Variants in ATP8A1 observed in about 807,000 individuals in gnomAD.
The protein encoded by ATP8A1 is phospholipid-transporting ATPase IA.
ATP8A1 carries 90 observed loss-of-function variants against 177.7 expected under a neutral mutation model. That is an observed-to-expected ratio of 0.51 (90% confidence interval 0.43 to 0.60). The LOEUF (loss-of-function observed/expected upper bound fraction) is 0.60. Among genes scored for constraint, ATP8A1 ranks in the 20% least tolerant of loss-of-function variants. ATP8A1 has a pLI of 0.00. For missense variants in ATP8A1, 1,072 were observed against 1,392.8 expected, an observed-to-expected ratio of 0.77 and a Z score of 3.67; for synonymous variants, 493 against 485.9, an observed-to-expected ratio of 1.01 and a Z score of -0.19.
At position 42,443,579 on chromosome 4, in the gene ATP8A1, C is replaced by T. The variant is rs199599944; in HGVS notation, c.3109G>A (p.Asp1037Asn). ...SLWPAIPMAP[D>N]MSGEAAMLFS... The stretch of plus-strand genomic sequence containing the variant: ...GCGCACATTACCTCTCCTGACATAT[C>T]AGGGGCCATCGGAATGGCAGGCCAC... Residue 1037 changes from aspartate (D) to asparagine (N), a missense_variant, in exon 33 of 37, where the codon GAT becomes AAT. Around this residue, in one of 5 missense-constraint regions of ATP8A1, gnomAD observed 316 missense variants for 459.1 expected, o/e 0.69. Coordinates refer to ENST00000381668, the MANE Select transcript of ATP8A1 (RefSeq NM_006095.2). The T allele has an allele frequency of 1.5e-6, 2 of 1,369,600 alleles. No homozygotes were observed. The highest frequency in any genetic ancestry group is 1.4e-5 in the African/African-American group (1 of 70,354). 84.8% of individuals were successfully genotyped at this position (1,369,600 alleles called of 1,614,324 possible). A position where few individuals can be genotyped will look rare whatever the true frequency, so the allele number is the denominator to read the frequency against.
At chr4:42,574,034 C>G (rs1387048347) in intron 14 of ATP8A1, among the ~76,000 whole-genome samples, 1 of 152,020 alleles carries the variant, frequency 6.6e-6, no homozygotes, top group Admixed American at 6.6e-5. Context: ...TGTAAGCATA[C>G]CTGGAAGTAA....
chr4:42,600,006 T>C (rs1268277609), intron 6 of ATP8A1, among the ~76,000 whole-genome samples: 6 of 152,234 alleles, frequency 3.9e-5, no homozygotes, highest in Admixed American at 3.9e-4. Context: ...TAATCTTTGA[T>C]GTTAAAGAAC....
intron 5 of ATP8A1, among the ~76,000 whole-genome samples, chr4:42,614,018 G>C (rs1736653024): frequency 1.3e-5 from 2 of 151,922 alleles, no homozygotes; most frequent in Admixed American, 6.6e-5. Context: ...TTTTTGAATT[G>C]AGTTTTATAT....
At chr4:42,492,023 A>G (rs564254022) in intron 24 of ATP8A1, among the ~76,000 whole-genome samples, 3 of 152,178 alleles carry the variant, frequency 2.0e-5, no homozygotes, top group Non-Finnish European at 4.4e-5. Context: ...TGGCTTCCAG[A>G]TCTTGCTCTG....
At chr4:42,446,539 G>C in intron 31 of ATP8A1, 44 bp downstream of exon 31, 1 of 1,567,458 alleles carries the variant, frequency 6.4e-7, no homozygotes, top group Non-Finnish European at 8.8e-7. Flanking sequence ...ACAGATGAAA[G>C]GTTTTGATTT....
intron 16 of ATP8A1, among the ~76,000 whole-genome samples, chr4:42,555,595 G>T (rs558612958): frequency 6.6e-6 from 1 of 152,160 alleles, no homozygotes; most frequent in Admixed American, 6.5e-5. Flanking sequence ...GAGGCTGAGG[G>T]GGTGGATCAC....
At chr4:42,573,327 G>A (rs962787729) in intron 14 of ATP8A1, among the ~76,000 whole-genome samples, 3 of 152,150 alleles carry the variant, frequency 2.0e-5, no homozygotes, top group African/African-American at 7.2e-5. Flanking sequence ...AATTGCAATA[G>A]GCTTTACTTT....
At chr4:42,647,516 G>A (rs1740657462) in intron 1 of ATP8A1, among the ~76,000 whole-genome samples, 1 of 151,014 alleles carries the variant, frequency 6.6e-6, no homozygotes, top group South Asian at 2.1e-4. Flanking sequence ...GATATATTGG[G>A]CCAAAGACAA....
intron 16 of ATP8A1, among the ~76,000 whole-genome samples, chr4:42,553,473 A>C (rs1439218688): frequency 6.6e-6 from 1 of 152,196 alleles, no homozygotes; most frequent in Admixed American, 6.5e-5. Flanking sequence ...GCCTGAGAAG[A>C]CAGAAGGGTG....
chr4:42,516,646 A>G (rs527804560), intron 22 of ATP8A1, among the ~76,000 whole-genome samples: 1 of 152,242 alleles, frequency 6.6e-6, no homozygotes, highest in Admixed American at 6.5e-5. Flanking sequence ...TTTTCAAAAA[A>G]TTATGTATTC....
intron 1 of ATP8A1, among the ~76,000 whole-genome samples, chr4:42,635,501 C>T (rs750247330): frequency 6.6e-6 from 1 of 151,644 alleles, no homozygotes; most frequent in Non-Finnish European, 1.5e-5. Context: ...GTCATGCTTG[C>T]AACAGTCAAA....
At chr4:42,649,481 T>A (rs1002320195) in intron 1 of ATP8A1, among the ~76,000 whole-genome samples, 22 of 152,250 alleles carry the variant, frequency 1.4e-4, no homozygotes, top group Non-Finnish European at 8.8e-5. Flanking sequence ...AAGTTTATAA[T>A]CACAATGTGA....
At chr4:42,556,789 A>G (rs1730284806) in intron 15 of ATP8A1, among the ~76,000 whole-genome samples, 1 of 152,158 alleles carries the variant, frequency 6.6e-6, no homozygotes, top group South Asian at 2.1e-4. Context: ...TGTCAAAAGA[A>G]AAGGGTATAG....
chr4:42,471,138 C>T (rs1489319125), intron 25 of ATP8A1, among the ~76,000 whole-genome samples: 1 of 152,128 alleles, frequency 6.6e-6, no homozygotes, highest in African/African-American at 2.4e-5. Context: ...CAACTTGTTA[C>T]TTGGAATGAA....
chr4:42,476,943 C>T (rs950218467), intron 25 of ATP8A1, among the ~76,000 whole-genome samples: 4 of 152,204 alleles, frequency 2.6e-5, no homozygotes, highest in African/African-American at 9.7e-5. Flanking sequence ...AGCAATATTA[C>T]CACTGATTTT....
Position 42,616,072 on chromosome 4 carries a change from G to A in ATP8A1, c.370C>T (p.His124Tyr), listed in dbSNP as rs923164445. The change falls in exon 5 of 37, where the codon CAT becomes TAT. Residue 124 changes from histidine (H) to tyrosine (Y), a missense_variant. His to Tyr is a moderately conservative substitution (Grantham distance 83, BLOSUM62 2). Transcript: ENST00000381668. ...IKEIIEDIKR[H>Y]KADNAVNKKQ... is the part of the protein sequence containing the mutation. ...TTGTTCACTGCATTATCAGCTTTAT[G>A]TCGTTTCTAAAGTTTAAAAGCAAAA... is the stretch of plus-strand genomic sequence containing the variant. 1.2e-6 allele frequency: 2 copies of A among 1,611,400 alleles called. No homozygotes were observed. The highest frequency in any genetic ancestry group is 2.7e-5 in the African/African-American group (2 of 74,830).
At position 42,444,645 on chromosome 4, in the gene ATP8A1, A is replaced by C. The variant is rs200861548; in HGVS notation, c.2959-11T>G. On this transcript the variant is annotated splice_polypyrimidine_tract_variant and intron_variant, in intron 31 of 36. Coordinates refer to ENST00000381668, the MANE Select transcript of ATP8A1 (RefSeq NM_006095.2). The stretch of plus-strand genomic sequence containing the variant: ...AGTTATCACCACAAACTAAAACAGA[A>C]GGGGAAAATGTTATTTTACCTCATA... 1.9e-6 allele frequency: 3 copies of C among 1,613,196 alleles called. No individual in the cohort carries two copies. The highest frequency in any genetic ancestry group is 2.5e-6 in the Non-Finnish European group (3 of 1,179,330).
At chr4:42,549,168 C>A (rs4299623) in intron 18 of ATP8A1, 106 bp from the exon 19 acceptor site, 27,198 of 837,078 alleles carry the variant, frequency 0.032, 610 homozygotes, top group South Asian at 0.083. Flanking sequence ...CCAACACAAA[C>A]AAATTTTCCC....
At chr4:42,481,346 T>C (rs1204827830) in intron 25 of ATP8A1, among the ~76,000 whole-genome samples, 2 of 152,210 alleles carry the variant, frequency 1.3e-5, no homozygotes, top group African/African-American at 4.8e-5. Flanking sequence ...CACCCTGCTA[T>C]GACGAAGCTG....
Sources: gnomAD v4.1 joint callset for allele counts (sites outside exome capture counted in the v4.1 genomes callset) on GRCh38, gnomAD v4.1.1 for gene constraint, gnomAD v4.1.1 regional missense constraint, MANE v1.5 for transcripts, NCBI Gene and HGNC (gene_info 2026-07-23, HGNC 2026-07-21) for gene names.